Variants in CHST3 observed in about 807,000 individuals in gnomAD.
The protein encoded by CHST3 is carbohydrate sulfotransferase 3, also known as C6ST-1.
A neutral mutation model predicts 35.4 loss-of-function variants in CHST3; 20 were observed. The ratio of observed to expected loss-of-function variants is 0.57; its 90% CI spans 0.40 to 0.82. CHST3 has a LOEUF of 0.82. CHST3 is among the 40% of genes least tolerant of loss of function. The pLI is 0.00. For synonymous variants in CHST3, 334 were observed against 295.9 expected (o/e 1.13, Z -1.32); for missense variants, 693 against 670.1 (o/e 1.03, Z -0.38).
chr10:72,013,380 C>T lies in CHST3; in HGVS notation c.*4909C>T, dbSNP rs946809555. 1 of 152,206 alleles carries T rather than the reference C, an allele frequency of 6.6e-6. No individual in the cohort carries two copies. Among genetic ancestry groups the T allele is most frequent in the African/African-American group, 2.4e-5 (1 of 41,448 alleles). 9.4% of individuals were successfully genotyped at this position (152,206 alleles called of 1,614,324 possible). A position where few individuals can be genotyped will look rare whatever the true frequency, so the allele number is the denominator to read the frequency against. ...CAGCCCCATTGCTGTCACTGTCGTC[C>T]CAGATGTCCTTGCCATGGCCACAGA... On this transcript the variant is annotated 3_prime_UTR_variant, in exon 3 of 3. Transcript: ENST00000373115.
intron 1 of CHST3, among the ~76,000 whole-genome samples, chr10:71,969,759 C>G (rs1450426815): frequency 6.6e-6 from 1 of 152,184 alleles, no homozygotes; most frequent in African/African-American, 2.4e-5. Context: ...ATCCCAGTGC[C>G]TGAGGCATGG....
intron 1 of CHST3, among the ~76,000 whole-genome samples, chr10:71,995,297 C>A (rs1018705544): frequency 2.0e-5 from 3 of 151,858 alleles, no homozygotes; most frequent in African/African-American, 7.3e-5. Flanking sequence ...TGGTGGCAGG[C>A]ACCCGTAATC....
At chr10:71,992,208 G>A (rs1839902997) in intron 1 of CHST3, among the ~76,000 whole-genome samples, 1 of 152,070 alleles carries the variant, frequency 6.6e-6, no homozygotes, top group South Asian at 2.1e-4. Flanking sequence ...TTTTGAGACA[G>A]GGTCTTGCTC....
At chr10:71,982,052 G>GGGGAT (rs1274884725) in intron 1 of CHST3, among the ~76,000 whole-genome samples, 3 of 152,200 alleles carry the variant, frequency 2.0e-5, no homozygotes, top group Non-Finnish European at 4.4e-5. Context: ...GCTGAAATGT[G>GGGGAT]GCCCCCACAG....
intron 1 of CHST3, among the ~76,000 whole-genome samples, chr10:71,992,138 G>A (rs1839902177): frequency 6.6e-6 from 1 of 152,108 alleles, no homozygotes; most frequent in Non-Finnish European, 1.5e-5. Context: ...CTGCTGAAGA[G>A]TAGGGTGGCT....
At position 72,008,617 on chromosome 10, in the gene CHST3, C is replaced by T. The variant is rs1840075321; in HGVS notation, c.*146C>T. Reference sequence around the variant, plus strand: ...CCCCCAGCCAGCGCTCCAGCCAAAGCGGCGGCCCCAGGGTTAATTGCGGAG... The same window carrying T: ...CCCCCAGCCAGCGCTCCAGCCAAAGTGGCGGCCCCAGGGTTAATTGCGGAG... On this transcript the variant is annotated 3_prime_UTR_variant, in exon 3 of 3. Coordinates refer to ENST00000373115, the MANE Select transcript of CHST3 (RefSeq NM_004273.5). 2.1e-6 allele frequency: 3 copies of T among 1,416,472 alleles called. No individual in the cohort carries two copies. The South Asian group carries it at 4.6e-5, about 22-fold the overall frequency. The allele number at this position is 1,416,472 out of a possible 1,614,324, so 87.7% of individuals were successfully genotyped here.
chr10:71,998,747 C>G (rs1050875251), intron 1 of CHST3, among the ~76,000 whole-genome samples: 2 of 152,246 alleles, frequency 1.3e-5, no homozygotes, highest in Non-Finnish European at 2.9e-5. Context: ...TCAGGTGACA[C>G]ACCTTTGCCT....
Position 72,007,226 on chromosome 10 carries a change from C to G in CHST3, c.195C>G (p.Thr65=), listed in dbSNP as rs759935618. The G allele has an allele frequency of 6.2e-7, 1 of 1,614,196 alleles. No homozygotes were observed. Among genetic ancestry groups the G allele is most frequent in the East Asian group, 2.2e-5 (1 of 44,882 alleles). ...AAGCTCTAGCAGATGCCAACAGCACCGACCCAGCCCTGATCTTAGCTGAGA... is the reference window on the plus strand; with the variant it reads ...AAGCTCTAGCAGATGCCAACAGCACGGACCCAGCCCTGATCTTAGCTGAGA... ...IPQALADANS[T]DPALILAENA... The change falls in exon 3 of 3, where the codon ACC becomes ACG. Residue 65 remains threonine, a synonymous_variant. Coordinates refer to ENST00000373115, the MANE Select transcript of CHST3 (RefSeq NM_004273.5).
chr10:71,986,181 C>G (rs1839845693), intron 1 of CHST3, among the ~76,000 whole-genome samples: 1 of 152,190 alleles, frequency 6.6e-6, no homozygotes, highest in Non-Finnish European at 1.5e-5. Context: ...AGTGTGTGTG[C>G]AGGCAGCAGC....
At chr10:71,996,932 T>G (rs1366336228) in intron 1 of CHST3, among the ~76,000 whole-genome samples, 2 of 152,176 alleles carry the variant, frequency 1.3e-5, no homozygotes, top group African/African-American at 4.8e-5. Flanking sequence ...TGTTTTGTTT[T>G]GTTTTTTTGA....
chr10:72,007,119 A>G (rs1589508910), intron 2 of CHST3, 53 bp from the exon 3 acceptor site: 2 of 1,596,394 alleles, frequency 1.3e-6, no homozygotes, highest in Non-Finnish European at 1.7e-6. Context: ...AGGGTTGCCC[A>G]GGAGACGGGG....
chr10:71,989,153 C>A (rs573908451), intron 1 of CHST3, among the ~76,000 whole-genome samples: 1 of 152,076 alleles, frequency 6.6e-6, no homozygotes, highest in South Asian at 2.1e-4. Flanking sequence ...CAGAGCAAGG[C>A]TCTGTCTGAC....
Position 72,009,149 on chromosome 10 carries a change from G to A in CHST3, c.*678G>A, listed in dbSNP as rs1302349577. On this transcript the variant is annotated 3_prime_UTR_variant, in exon 3 of 3. Coordinates refer to ENST00000373115, the MANE Select transcript of CHST3 (RefSeq NM_004273.5). ...ATAGACAAGCATCATAAAGGCACAA[G>A]TGCACACACATCTATGCAGACAAGC... is the stretch of plus-strand genomic sequence containing the variant. 1 of 152,268 alleles carries A rather than the reference G, an allele frequency of 6.6e-6. No individual in the cohort carries two copies. The highest frequency in any genetic ancestry group is 6.5e-5 in the Admixed American group (1 of 15,282). The allele number at this position is 152,268 out of a possible 1,614,324, so 9.4% of individuals were successfully genotyped here.
intron 1 of CHST3, among the ~76,000 whole-genome samples, chr10:71,982,881 C>T (rs967339238): frequency 1.3e-5 from 2 of 152,250 alleles, no homozygotes; most frequent in African/African-American, 4.8e-5. Flanking sequence ...GCCAGGCAGT[C>T]ACCTGGGCTC....
intron 1 of CHST3, among the ~76,000 whole-genome samples, chr10:71,970,397 AG>A (rs1839680490): frequency 6.6e-6 from 1 of 152,202 alleles, no homozygotes; most frequent in African/African-American, 2.4e-5. Flanking sequence ...GCCAGTTCCC[AG>A]TTCAGCCTCT....
At chr10:71,969,595 C>G (rs1416196724) in intron 1 of CHST3, among the ~76,000 whole-genome samples, 1 of 152,240 alleles carries the variant, frequency 6.6e-6, no homozygotes, top group African/African-American at 2.4e-5. Context: ...GTTCTTAGAG[C>G]CTTCCTAGTG....
chr10:72,004,358 T>C (rs556762347), intron 1 of CHST3, among the ~76,000 whole-genome samples: 1 of 152,296 alleles, frequency 6.6e-6, no homozygotes, highest in Admixed American at 6.5e-5. Context: ...TATGGCTTTA[T>C]GACAAAGTCC....
intron 1 of CHST3, among the ~76,000 whole-genome samples, chr10:71,989,270 C>G (rs1839876174): frequency 1.3e-5 from 2 of 152,124 alleles, no homozygotes; most frequent in South Asian, 4.2e-4. Context: ...GGGAAAGACC[C>G]TGACTCTCCA....
intron 1 of CHST3, among the ~76,000 whole-genome samples, chr10:71,975,763 G>C (rs760185165): frequency 6.6e-6 from 1 of 152,242 alleles, no homozygotes; most frequent in Non-Finnish European, 1.5e-5. Flanking sequence ...CTTTGCAGCT[G>C]CTGCTGCAAC....
Sources: allele counts gnomAD v4.1 joint callset (sites outside exome capture counted in the v4.1 genomes callset), GRCh38; gene constraint gnomAD v4.1.1; transcripts MANE v1.5; gene names NCBI Gene and HGNC (gene_info 2026-07-23, HGNC 2026-07-21).